NSMCE2: variants seen among roughly 807,000 people sequenced by gnomAD.
The protein encoded by NSMCE2 is E3 SUMO-protein ligase NSE2.
NSMCE2 carries 24 observed loss-of-function variants against 23.8 expected under a neutral mutation model. The ratio of observed to expected loss-of-function variants is 1.01; its 90% CI spans 0.73 to 1.42. The LOEUF (loss-of-function observed/expected upper bound fraction) is 1.42. NSMCE2 is among the 40% of genes most tolerant of loss of function. NSMCE2 has a pLI of 0.00. For synonymous variants in NSMCE2, 92 were observed against 94.1 expected (o/e 0.98, Z 0.13); for missense variants, 284 against 296.5 (o/e 0.96, Z 0.31).
intron 5 of NSMCE2, among the ~76,000 whole-genome samples, chr8:125,206,831 T>G (rs558109760): frequency 6.6e-6 from 1 of 152,058 alleles, no homozygotes; most frequent in Admixed American, 6.6e-5. Context: ...GGAGAAAGGC[T>G]TTTCACTTGC....
At chr8:125,310,101 T>C (rs1828921897) in intron 5 of NSMCE2, among the ~76,000 whole-genome samples, 1 of 152,328 alleles carries the variant, frequency 6.6e-6, no homozygotes, top group Admixed American at 6.5e-5. Flanking sequence ...GGTATCTTTC[T>C]ATTGGGAAAC....
At chr8:125,279,703 T>A (rs949934499) in intron 5 of NSMCE2, among the ~76,000 whole-genome samples, 1 of 152,234 alleles carries the variant, frequency 6.6e-6, no homozygotes, top group African/African-American at 2.4e-5. Context: ...ATCAAGTGTG[T>A]CATCTTGATT....
At chr8:125,275,272 T>G (rs933451661) in intron 5 of NSMCE2, among the ~76,000 whole-genome samples, 1 of 152,198 alleles carries the variant, frequency 6.6e-6, no homozygotes, top group Non-Finnish European at 1.5e-5. Flanking sequence ...TGTGAAACTT[T>G]CTGAATTTCC....
intron 5 of NSMCE2, among the ~76,000 whole-genome samples, chr8:125,312,536 A>C (rs887768545): frequency 6.6e-6 from 1 of 152,170 alleles, no homozygotes; most frequent in Non-Finnish European, 1.5e-5. Flanking sequence ...GAGGCAGGAG[A>C]ATTGCTTGAA....
intron 5 of NSMCE2, among the ~76,000 whole-genome samples, chr8:125,272,379 G>A (rs1247403125): frequency 6.6e-6 from 1 of 151,222 alleles, no homozygotes; most frequent in Non-Finnish European, 1.5e-5. Context: ...ATTATGTCAC[G>A]TTTGCTTTTT....
chr8:125,308,776 C>T (rs73704923), intron 5 of NSMCE2, among the ~76,000 whole-genome samples: 2,737 of 152,302 alleles, frequency 0.018, 80 homozygotes, highest in African/African-American at 0.062. Flanking sequence ...CCTCCCATTC[C>T]GGTGAGTGTA....
chr8:125,126,864 A>T (rs1203275424), intron 3 of NSMCE2: 31 of 152,322 alleles, frequency 2.0e-4, no homozygotes, highest in Non-Finnish European at 1.5e-5. Flanking sequence ...TTGATGTGAG[A>T]ATTAAATACT....
At chr8:125,341,687 C>T (rs1040142091) in intron 5 of NSMCE2, among the ~76,000 whole-genome samples, 1 of 152,018 alleles carries the variant, frequency 6.6e-6, no homozygotes, top group Non-Finnish European at 1.5e-5. Context: ...CACCTATCCC[C>T]CAATTTATGG....
chr8:125,260,027 C>G, intron 5 of NSMCE2, among the ~76,000 whole-genome samples: 1 of 152,290 alleles, frequency 6.6e-6, no homozygotes, highest in Middle Eastern at 3.4e-3. Context: ...ATATTGCAGG[C>G]TGGATATTCT....
intron 5 of NSMCE2, among the ~76,000 whole-genome samples, chr8:125,183,074 A>C (rs1822905681): frequency 6.6e-6 from 1 of 152,156 alleles, no homozygotes; most frequent in African/African-American, 2.4e-5. Flanking sequence ...AGTGAAGCAA[A>C]TAACCTTTTC....
chr8:125,126,320 G>A (rs1400533214), intron 3 of NSMCE2, among the ~76,000 whole-genome samples: 1 of 151,332 alleles, frequency 6.6e-6, no homozygotes, highest in African/African-American at 2.4e-5. Context: ...GCAGTGAGCC[G>A]AGATTGCGCC....
intron 3 of NSMCE2, among the ~76,000 whole-genome samples, chr8:125,140,773 T>G (rs1179826464): frequency 1.3e-5 from 2 of 152,190 alleles, no homozygotes; most frequent in Non-Finnish European, 2.9e-5. Context: ...GGTTTCCAAG[T>G]CATGCAACTG....
intron 5 of NSMCE2, among the ~76,000 whole-genome samples, chr8:125,231,898 G>A (rs1825338721): frequency 6.6e-6 from 1 of 152,150 alleles, no homozygotes; most frequent in African/African-American, 2.4e-5. Context: ...AGACAGGTCT[G>A]CCTGGTACAT....
At chr8:125,168,620 G>A (rs1822016167) in intron 4 of NSMCE2, among the ~76,000 whole-genome samples, 1 of 152,172 alleles carries the variant, frequency 6.6e-6, no homozygotes, top group South Asian at 2.1e-4. Flanking sequence ...CAAGCTCTCT[G>A]GGGCCTCTTT....
At chr8:125,191,073 T>C (rs1823323864) in intron 5 of NSMCE2, among the ~76,000 whole-genome samples, 1 of 152,156 alleles carries the variant, frequency 6.6e-6, no homozygotes, top group Non-Finnish European at 1.5e-5. Flanking sequence ...GGTTTCACCA[T>C]GTTGGCCAGG....
chr8:125,143,012 G>A (rs912302047), intron 3 of NSMCE2, among the ~76,000 whole-genome samples: 3 of 152,096 alleles, frequency 2.0e-5, no homozygotes, highest in Non-Finnish European at 4.4e-5. Context: ...ATTGCTCAAG[G>A]AGTGAGTAAG....
chr8:125,109,666 G>A (rs1440907265), intron 3 of NSMCE2, among the ~76,000 whole-genome samples: 4 of 152,156 alleles, frequency 2.6e-5, no homozygotes, highest in Non-Finnish European at 4.4e-5. Context: ...CCAAGAACTA[G>A]GGTGGTGATG....
intron 5 of NSMCE2, among the ~76,000 whole-genome samples, chr8:125,356,130 T>TAC (rs1813263748): frequency 6.6e-6 from 1 of 152,060 alleles, no homozygotes; most frequent in African/African-American, 2.4e-5. Flanking sequence ...ATTGAATGCA[T>TAC]ACGCAGATAT....
At chr8:125,227,013 AC>A (rs1158266282) in intron 5 of NSMCE2, among the ~76,000 whole-genome samples, 1 of 151,974 alleles carries the variant, frequency 6.6e-6, no homozygotes, top group Non-Finnish European at 1.5e-5. Context: ...CTAGGGACTC[AC>A]CAGTGAGTGC....
Sources: allele counts gnomAD v4.1 joint callset (sites outside exome capture counted in the v4.1 genomes callset), GRCh38; gene constraint gnomAD v4.1.1; transcripts MANE v1.5; gene names NCBI Gene and HGNC (gene_info 2026-07-23, HGNC 2026-07-21).